The following ABLIM2 variants were observed in gnomAD, a reference collection of about 807,000 sequenced individuals.
ABLIM2 encodes the protein actin-binding LIM protein 2.
Under a neutral mutation model 97.7 loss-of-function variants are expected in ABLIM2, and 53 were observed. The ratio of observed to expected loss-of-function variants is 0.54; its 90% confidence interval spans 0.44 to 0.68. The LOEUF is 0.68. ABLIM2 is among the 30% of genes least tolerant of loss of function. The probability of loss-of-function intolerance (pLI) is 0.00; values close to 1 mark genes in which losing one functional copy is unlikely to be tolerated. For synonymous variants in ABLIM2, 361 were observed against 345.8 expected (o/e 1.04, Z -0.49); for missense variants, 835 against 867.2 (o/e 0.96, Z 0.47).
Position 7,998,128 on chromosome 4 carries a change from C to T in ABLIM2, c.1619-5201G>A, listed in dbSNP as rs529328801. On this transcript the variant is annotated intron_variant, in intron 16 of 20. Transcript: ENST00000447017. This position sits in a 1 kb window ranked among gnomAD's most constrained non-coding sequence, Gnocchi z 6.4. ...ACTCCTGATCTCAGGTGATCTGATC[C>T]GTCCTCCTCGGCCTCCCAAAGTGCT... Among the ~76,000 whole-genome samples the T allele has an allele frequency of 3.9e-5, 6 of 152,108 alleles. No individual in the cohort carries two copies. The highest frequency in any genetic ancestry group is 2.1e-4 in the South Asian group (1 of 4,792).
chr4:8,066,879 T>C (rs980129073), intron 6 of ABLIM2, among the ~76,000 whole-genome samples: 1 of 152,192 alleles, frequency 6.6e-6, no homozygotes, highest in African/African-American at 2.4e-5. Flanking sequence ...ACATTTTAAA[T>C]GGTTAATTGT....
rs1483414043 is a variant in ABLIM2 at position 7,980,941 on chromosome 4, A to ATCTTTTTTTTTTTTTTTTTTTTTTTT, written c.1824+2322_1824+2323insAAAAAAAAAAAAAAAAAAAAAAAAGA. Reference sequence around the variant, plus strand: ...AGAACCATGGTCTCCACAACCCCTTATTTTTTTTTTTTTTTTTTTTGAGAT... The same window carrying ATCTTTTTTTTTTTTTTTTTTTTTTTT: ...AGAACCATGGTCTCCACAACCCCTTATCTTTTTTTTTTTTTTTTTTTTTTTTTTTTTTTTTTTTTTTTTTTTGAGAT... On this transcript the variant is annotated intron_variant, in intron 20 of 20. Transcript: ENST00000447017. Among the ~76,000 whole-genome samples, 38 of 82,982 alleles carry ATCTTTTTTTTTTTTTTTTTTTTTTTT rather than the reference A, an allele frequency of 4.6e-4. 2 individuals are homozygous for ATCTTTTTTTTTTTTTTTTTTTTTTTT. The highest frequency in any genetic ancestry group is 6.7e-4 in the Non-Finnish European group (32 of 48,032). The allele number at this position is 82,982 out of a possible 152,430, so 54.4% of individuals were successfully genotyped here. A position where few individuals can be genotyped will look rare whatever the true frequency, so the allele number is the denominator to read the frequency against.
chr4:8,107,435 G>A (rs1417934612), intron 1 of ABLIM2, among the ~76,000 whole-genome samples: 1 of 152,258 alleles, frequency 6.6e-6, no homozygotes, highest in African/African-American at 2.4e-5. Context: ...GAGCAACAGT[G>A]ACCACCAGGT....
chr4:7,968,715 G>A (rs967734513), intron 20 of ABLIM2, among the ~76,000 whole-genome samples: 1 of 152,232 alleles, frequency 6.6e-6, no homozygotes, highest in African/African-American at 2.4e-5. Flanking sequence ...CGGATATGGG[G>A]TTTCCTCTTG....
chr4:7,970,353 G>A lies in ABLIM2; in HGVS notation c.1825-3250C>T, dbSNP rs573302683. 4.6e-5 allele frequency among the ~76,000 whole-genome samples: 7 copies of A among 152,202 alleles called. No individual in the cohort carries two copies. In the South Asian group the frequency reaches 1.2e-3, roughly 27 times the overall value. ...CAAAGGTGCTGGTGGGCAGAGGGAAGGTGTCAAGGGGGTGGTGTGCCCCCT... is the reference window on the plus strand; with the variant it reads ...CAAAGGTGCTGGTGGGCAGAGGGAAAGTGTCAAGGGGGTGGTGTGCCCCCT... On this transcript the variant is annotated intron_variant, in intron 20 of 20. Coordinates refer to ENST00000447017, the MANE Select transcript of ABLIM2 (RefSeq NM_001130083.2). This position sits in a 1 kb window ranked among gnomAD's most constrained non-coding sequence, Gnocchi z 5.3.
At chr4:8,089,461 G>C in intron 3 of ABLIM2, among the ~76,000 whole-genome samples, 1 of 152,132 alleles carries the variant, frequency 6.6e-6, no homozygotes, top group East Asian at 1.9e-4. Flanking sequence ...GTGGCCAGGC[G>C]CAGTGGCTCA....
At chr4:8,031,726 A>AT (rs11312218) in intron 10 of ABLIM2, among the ~76,000 whole-genome samples, 13,615 of 139,844 alleles carry the variant, frequency 0.097, 733 homozygotes, top group Middle Eastern at 0.17. Context: ...ATAAATATAC[A>AT]TTTTTTTTTT....
At chr4:8,116,575 C>T (rs1236313415) in intron 1 of ABLIM2, among the ~76,000 whole-genome samples, 1 of 152,202 alleles carries the variant, frequency 6.6e-6, no homozygotes, top group African/African-American at 2.4e-5. Flanking sequence ...CTATGTTGCA[C>T]ATCCGGGGAC....
rs78218523 is a variant in ABLIM2, at chr4:8,018,801, G to T, written c.1423+817C>A. Among the ~76,000 whole-genome samples, 885 of 152,280 alleles carry T rather than the reference G, an allele frequency of 5.8e-3. 23 individuals carry two copies. Among genetic ancestry groups the T allele is most frequent in the East Asian group, 0.022 (112 of 5,168 alleles). On this transcript the variant is annotated intron_variant, in intron 14 of 20. Coordinates refer to ENST00000447017, the MANE Select transcript of ABLIM2 (RefSeq NM_001130083.2). Reference sequence around the variant, plus strand: ...TGCCTTTTCCCATCGCTAGTGACTTGATACAATTCCCATCATGTGCACAGC... The same window carrying T: ...TGCCTTTTCCCATCGCTAGTGACTTTATACAATTCCCATCATGTGCACAGC...
chr4:8,138,634 G>A (rs1193062691), intron 1 of ABLIM2, among the ~76,000 whole-genome samples: 2 of 152,082 alleles, frequency 1.3e-5, no homozygotes, highest in East Asian at 1.9e-4. Flanking sequence ...TTTAATGAAT[G>A]GTTTTGGAAA....
chr4:8,013,666 C>G (rs1017556660), intron 14 of ABLIM2, among the ~76,000 whole-genome samples: 1 of 152,256 alleles, frequency 6.6e-6, no homozygotes, highest in African/African-American at 2.4e-5. Context: ...GAAGCCAGAG[C>G]TGGAGCCACT....
chr4:8,031,827 C>A (rs556995440), intron 10 of ABLIM2, among the ~76,000 whole-genome samples: 1 of 151,554 alleles, frequency 6.6e-6, no homozygotes, highest in Non-Finnish European at 1.5e-5. Flanking sequence ...CGGGTTCAAG[C>A]GATTCTCCTG....
intron 1 of ABLIM2, among the ~76,000 whole-genome samples, chr4:8,152,521 T>C (rs568360551): frequency 6.6e-6 from 1 of 152,370 alleles, no homozygotes; most frequent in South Asian, 2.1e-4. Flanking sequence ...ACCTGGGTGC[T>C]GCCCGACACC....
chr4:8,007,493 C>T (rs922078013), intron 16 of ABLIM2: 8 of 985,520 alleles, frequency 8.1e-6, no homozygotes, highest in Non-Finnish European at 9.6e-6. Flanking sequence ...TGATTTACAG[C>T]GGCCGGAAGC....
rs1006612167 is a variant in ABLIM2, at chr4:8,095,400, A to C, written c.338+1699T>G. The stretch of plus-strand genomic sequence containing the variant: ...ATTATAGGCATGAGCTGCTGTGCCC[A>C]GCCATCACCAGCAAGTTTTGATTGG... On this transcript the variant is annotated intron_variant, in intron 3 of 20. Coordinates refer to ENST00000447017, the MANE Select transcript of ABLIM2 (RefSeq NM_001130083.2). This position sits in a 1 kb window ranked among gnomAD's most constrained non-coding sequence, Gnocchi z 4.7. 1.3e-5 allele frequency among the ~76,000 whole-genome samples: 2 copies of C among 152,176 alleles called. No individual in the cohort carries two copies. The highest frequency in any genetic ancestry group is 4.8e-5 in the African/African-American group (2 of 41,454).
intron 1 of ABLIM2, among the ~76,000 whole-genome samples, chr4:8,144,355 C>A (rs992747529): frequency 6.6e-6 from 1 of 152,236 alleles, no homozygotes; most frequent in Admixed American, 6.5e-5. Context: ...TCCGCATCCA[C>A]CCCCTATGGC....
chr4:8,157,758 G>C (rs889230905), intron 1 of ABLIM2, among the ~76,000 whole-genome samples: 4 of 152,282 alleles, frequency 2.6e-5, no homozygotes, highest in African/African-American at 9.6e-5. Context: ...ACAAGAGTCA[G>C]TGAGCCCGGG....
At chr4:8,081,836 C>T (rs17178920) in intron 4 of ABLIM2, among the ~76,000 whole-genome samples, 23,577 of 152,122 alleles carry the variant, frequency 0.15, 2,229 homozygotes, top group South Asian at 0.28. Context: ...CGGAGCAGGG[C>T]CCACTGAGTC....
rs750056702 is a variant in ABLIM2, at chr4:8,123,164, G to A, written c.11-16527C>T. On this transcript the variant is annotated intron_variant, in intron 1 of 20. Transcript: ENST00000447017. The surrounding 1 kb of genome is among the most constrained non-coding windows in gnomAD (Gnocchi z 6.2). ...GTCTGGACTCCTTAATCCTAATTGC[G>A]GTCCTCAGAGCATTCTTCCCTGGCA... Among the ~76,000 whole-genome samples the A allele has an allele frequency of 4.6e-5, 7 of 152,178 alleles. No individual in the cohort carries two copies. The highest frequency in any genetic ancestry group is 2.9e-5 in the Non-Finnish European group (2 of 68,024).
Sources: gnomAD v4.1 joint callset for allele counts (sites outside exome capture counted in the v4.1 genomes callset) on GRCh38, gnomAD v4.1.1 for gene constraint, Gnocchi (gnomAD v3.1) non-coding constraint, MANE v1.5 for transcripts, NCBI Gene and HGNC (gene_info 2026-07-23, HGNC 2026-07-21) for gene names.